Variants in PICALM observed in about 807,000 individuals in gnomAD.
PICALM encodes phosphatidylinositol-binding clathrin assembly protein.
Under a neutral mutation model 80.5 loss-of-function variants are expected in PICALM, and 40 were observed. That is an observed-to-expected ratio of 0.50 (90% CI 0.39 to 0.65). The LOEUF (loss-of-function observed/expected upper bound fraction) is 0.65, where lower values mean the gene tolerates loss of function less well. Ranked by LOEUF, PICALM falls within the 30% of genes least tolerant of loss-of-function variation. PICALM has a pLI of 0.00. For missense variants in PICALM, 676 were observed against 778.9 expected, an observed-to-expected ratio of 0.87 and a Z score of 1.57; for synonymous variants, 288 against 260.3, an observed-to-expected ratio of 1.11 and a Z score of -1.02.
intron 19 of PICALM, chr11:85,974,373 T>C (rs2094205345): frequency 4.2e-6 from 2 of 478,916 alleles, no homozygotes; most frequent in Admixed American, 2.2e-5. Context: ...GAACTAAAGC[T>C]CTGAGTTAAT....
intron 17 of PICALM, among the ~76,000 whole-genome samples, chr11:85,979,423 G>A (rs1455632001): frequency 1.3e-5 from 2 of 151,768 alleles, no homozygotes; most frequent in South Asian, 2.1e-4. Flanking sequence ...CTGGGAGGCA[G>A]AGGTTGCAGT....
chr11:85,975,921 CTA>C (rs755730267), intron 18 of PICALM, among the ~76,000 whole-genome samples: 16 of 151,904 alleles, frequency 1.1e-4, no homozygotes, highest in East Asian at 7.7e-4. Flanking sequence ...AATGCAATGA[CTA>C]TGAAAAAAAG....
Position 85,957,307 on chromosome 11 carries a change from A to C in PICALM, c.*1739T>G, listed in dbSNP as rs1370780704. On this transcript the variant is annotated 3_prime_UTR_variant, in exon 20 of 20. Transcript: ENST00000393346. The stretch of plus-strand genomic sequence containing the variant: ...AATGCAAAGCTTTTGATCCTTTATC[A>C]TGTACTCTGAACCCTATGCACTACT... Among the ~76,000 whole-genome samples, 2 of 152,218 alleles carry C rather than the reference A, an allele frequency of 1.3e-5. No individual in the cohort carries two copies. The highest frequency in any genetic ancestry group is 2.9e-5 in the Non-Finnish European group (2 of 68,032).
chr11:86,068,356 G>A (rs957205217), intron 1 of PICALM, among the ~76,000 whole-genome samples: 2 of 152,308 alleles, frequency 1.3e-5, no homozygotes, highest in South Asian at 4.1e-4. Flanking sequence ...GCCAGGTGGG[G>A]AAGCAAGTTG....
rs748164441 is a variant in PICALM, at chr11:85,981,099, G to T, written c.1779+30C>A. On this transcript the variant is annotated intron_variant, in intron 17 of 19. Transcript: ENST00000393346. ...ACATATTTAACTAAATTATTCAACT[G>T]TTAGTCTATCAGGAGCTTTTTCAAC... is the stretch of plus-strand genomic sequence containing the variant. 5.0e-6 allele frequency: 5 copies of T among 998,062 alleles called. No individual in the cohort carries two copies. The Admixed American group carries it at 7.2e-5, about 14-fold the overall frequency. 61.8% of individuals were successfully genotyped at this position (998,062 alleles called of 1,614,324 possible). A position where few individuals can be genotyped will look rare whatever the true frequency, so the allele number is the denominator to read the frequency against.
chr11:85,974,694 GTAGTGTGTAA>G lies in PICALM; in HGVS notation c.1944+4_1944+13del, dbSNP rs2094218544. The stretch of plus-strand genomic sequence containing the variant: ...ATCAAACACATTACCACAGTTACAT[GTAGTGTGTAA>G]TACCTGTGCTCCTGATACAGGGCCA... On this transcript the variant is annotated splice_donor_5th_base_variant and intron_variant, in intron 19 of 19. Coordinates refer to ENST00000393346, the MANE Select transcript of PICALM (RefSeq NM_007166.4). The G allele has an allele frequency of 6.9e-7, 1 of 1,453,272 alleles. No homozygotes were observed. Among genetic ancestry groups the G allele is most frequent in the South Asian group, 1.1e-5 (1 of 87,838 alleles). The allele number at this position is 1,453,272 out of a possible 1,614,324, so 90.0% of individuals were successfully genotyped here.
intron 1 of PICALM, among the ~76,000 whole-genome samples, chr11:86,043,470 C>G (rs1368019442): frequency 6.6e-6 from 1 of 152,132 alleles, no homozygotes; most frequent in Non-Finnish European, 1.5e-5. Context: ...GAATTTTTCA[C>G]CTCTGTGTCC....
chr11:85,983,045 A>C lies in PICALM; in HGVS notation c.1516+821T>G, dbSNP rs192933673. Among the ~76,000 whole-genome samples, 9 of 152,338 alleles carry C rather than the reference A, an allele frequency of 5.9e-5. No homozygotes were observed. The East Asian group carries it at 1.3e-3, about 23-fold the overall frequency. ...AAACTAAAACCTACCGCAGCAAAAA[A>C]ATATTATCATAAACCTACTAGTGCA... is the stretch of plus-strand genomic sequence containing the variant. On this transcript the variant is annotated intron_variant, in intron 14 of 19. Coordinates refer to ENST00000393346, the MANE Select transcript of PICALM (RefSeq NM_007166.4).
At chr11:85,987,112 T>C (rs2094596202) in intron 13 of PICALM, among the ~76,000 whole-genome samples, 1 of 152,248 alleles carries the variant, frequency 6.6e-6, no homozygotes, top group African/African-American at 2.4e-5. Context: ...TTAGGACTCA[T>C]ACTTTTTTGT....
chr11:85,960,510 T>C (rs2093653957), intron 19 of PICALM, among the ~76,000 whole-genome samples: 1 of 152,248 alleles, frequency 6.6e-6, no homozygotes, highest in African/African-American at 2.4e-5. Flanking sequence ...TTTTTCCTTA[T>C]GTCCTATCTT....
chr11:85,969,873 T>C (rs1189456520), intron 19 of PICALM, among the ~76,000 whole-genome samples: 4 of 152,312 alleles, frequency 2.6e-5, no homozygotes, highest in South Asian at 4.1e-4. Context: ...AAAATAAAGC[T>C]GTCTTCATTC....
At chr11:85,982,110 T>C in intron 14 of PICALM, 107 bp from the exon 15 acceptor site, 2 of 984,758 alleles carry the variant, frequency 2.0e-6, no homozygotes, top group Non-Finnish European at 3.2e-6. Context: ...CTGGAAAAGT[T>C]ATCCAAAAAA....
chr11:86,057,665 G>A (rs1047602145), intron 1 of PICALM, among the ~76,000 whole-genome samples: 8 of 151,968 alleles, frequency 5.3e-5, no homozygotes, highest in African/African-American at 1.9e-4. Flanking sequence ...ATCATGAATC[G>A]AAAATATACC....
chr11:86,048,310 T>C (rs2096113197), intron 1 of PICALM, among the ~76,000 whole-genome samples: 1 of 152,190 alleles, frequency 6.6e-6, no homozygotes, highest in Non-Finnish European at 1.5e-5. Flanking sequence ...GCAGTGTTTC[T>C]AGGTTAGGCT....
chr11:86,022,393 T>C lies in PICALM; in HGVS notation c.426A>G (p.Ala142=). 6.3e-7 allele frequency: 1 copy of C among 1,585,608 alleles called. No homozygotes were observed. Among genetic ancestry groups the C allele is most frequent in the Non-Finnish European group, 8.6e-7 (1 of 1,167,662 alleles). The change falls in exon 4 of 20, where the codon GCA becomes GCG. Residue 142 remains alanine, a synonymous_variant. Coordinates refer to ENST00000393346, the MANE Select transcript of PICALM (RefSeq NM_007166.4). ...CTCTCTTCACTTTTGTGAAATCAAA[T>C]GCAACTTGTCTGTATGAAACTGCTT... ...NEKAVSYRQV[A]FDFTKVKRGA...
intron 19 of PICALM, among the ~76,000 whole-genome samples, chr11:85,968,611 G>C (rs1053106315): frequency 3.9e-5 from 6 of 152,122 alleles, no homozygotes; most frequent in Non-Finnish European, 5.9e-5. Flanking sequence ...GCTGTATATT[G>C]CAACTAAAGA....
rs532231046 is a variant in PICALM at position 86,061,763 on chromosome 11, G to T, written c.130+6888C>A. Among the ~76,000 whole-genome samples the T allele has an allele frequency of 3.9e-5, 6 of 152,202 alleles. No homozygotes were observed. In the South Asian group the frequency reaches 1.2e-3, roughly 32 times the overall value. The stretch of plus-strand genomic sequence containing the variant: ...TGTGTTCCTTGCTATTTACCCAAAC[G>T]AACTGAAAACTTATGTCCACACAAA... On this transcript the variant is annotated intron_variant, in intron 1 of 19. Coordinates refer to ENST00000393346, the MANE Select transcript of PICALM (RefSeq NM_007166.4).
At chr11:86,031,171 T>C (rs909490625) in intron 2 of PICALM, among the ~76,000 whole-genome samples, 5 of 70,612 alleles carry the variant, frequency 7.1e-5, no homozygotes, top group Non-Finnish European at 1.1e-4. Flanking sequence ...CAAATGGATA[T>C]AGACAAAATA....
intron 1 of PICALM, among the ~76,000 whole-genome samples, chr11:86,048,004 C>T (rs1344254519): frequency 1.3e-5 from 2 of 151,654 alleles, no homozygotes; most frequent in African/African-American, 2.4e-5. Context: ...GGGAGGCTGA[C>T]GCAGGAGAAT....
Sources: allele counts gnomAD v4.1 joint callset (sites outside exome capture counted in the v4.1 genomes callset), GRCh38; gene constraint gnomAD v4.1.1; transcripts MANE v1.5; gene names NCBI Gene and HGNC (gene_info 2026-07-23, HGNC 2026-07-21).